The following NCOA1 variants were observed in gnomAD, a reference collection of about 807,000 sequenced individuals.
The protein encoded by NCOA1 is nuclear receptor coactivator 1.
In NCOA1, 35 loss-of-function variants were observed where a neutral mutation model predicts 150.9. That is an observed-to-expected ratio of 0.23 (90% CI 0.18 to 0.31). The LOEUF is 0.31. NCOA1 is among the 10% of genes least tolerant of loss of function. NCOA1 has a pLI of 1.00. For synonymous variants in NCOA1, 590 were observed against 630.0 expected (o/e 0.94, Z 0.95); for missense variants, 1,491 against 1,749.3 (o/e 0.85, Z 2.63).
chr2:24,553,450 C>T (rs895701607), intron 1 of NCOA1, among the ~76,000 whole-genome samples: 2 of 152,126 alleles, frequency 1.3e-5, no homozygotes, highest in Non-Finnish European at 2.9e-5. Flanking sequence ...AACTGCTGAC[C>T]TCAAGTGATC....
In NCOA1 at chr2:24,768,632, T is replaced by C; in HGVS notation, c.*241T>C. 3.2e-6 allele frequency: 1 copy of C among 308,960 alleles called. No homozygotes were observed. Among genetic ancestry groups the C allele is most frequent in the Non-Finnish European group, 5.8e-6 (1 of 171,530 alleles). 19.1% of individuals were successfully genotyped at this position (308,960 alleles called of 1,614,324 possible). ...TTGAAAAAATACCAAGGCAGAACAG[T>C]TGGACAATCTATTTCTTGAGCCAAA... On this transcript the variant is annotated 3_prime_UTR_variant, in exon 23 of 23. Transcript: ENST00000348332.
chr2:24,670,955 T>C (rs1416240138), intron 6 of NCOA1, among the ~76,000 whole-genome samples: 1 of 152,202 alleles, frequency 6.6e-6, no homozygotes, highest in Admixed American at 6.5e-5. Flanking sequence ...GCAAAACCAA[T>C]GTTACAACCT....
intron 2 of NCOA1, among the ~76,000 whole-genome samples, chr2:24,579,150 A>T (rs372789309): frequency 4.6e-5 from 7 of 152,128 alleles, no homozygotes; most frequent in East Asian, 1.9e-4. Flanking sequence ...AGTAAGGGGG[A>T]TGGGCAACAA....
chr2:24,570,757 G>C (rs530434921), intron 2 of NCOA1, among the ~76,000 whole-genome samples: 2 of 152,276 alleles, frequency 1.3e-5, no homozygotes, highest in East Asian at 3.9e-4. Context: ...AGGAAACACA[G>C]AAGACAGAGA....
chr2:24,684,300 A>T (rs1410548951), intron 8 of NCOA1, among the ~76,000 whole-genome samples: 1 of 152,166 alleles, frequency 6.6e-6, no homozygotes, highest in East Asian at 1.9e-4. Context: ...GGGTAACAAG[A>T]TATTTGTTGG....
intron 14 of NCOA1, among the ~76,000 whole-genome samples, chr2:24,723,238 C>G (rs2148628870): frequency 6.6e-6 from 1 of 152,188 alleles, no homozygotes; most frequent in East Asian, 1.9e-4. Context: ...ATCTTAGTCA[C>G]TTTTTCACTT....
intron 3 of NCOA1, among the ~76,000 whole-genome samples, chr2:24,621,574 G>A (rs988642015): frequency 3.3e-5 from 5 of 150,150 alleles, no homozygotes; most frequent in Admixed American, 6.7e-5. Context: ...TCCCTCCTGG[G>A]TTCAAGTGAT....
intron 1 of NCOA1, among the ~76,000 whole-genome samples, chr2:24,536,418 G>A (rs1311969801): frequency 6.6e-6 from 1 of 152,086 alleles, no homozygotes; most frequent in African/African-American, 2.4e-5. Context: ...GCTCGGAGAA[G>A]TTTGTTATTA....
intron 15 of NCOA1, among the ~76,000 whole-genome samples, chr2:24,727,575 G>A (rs762390737): frequency 3.9e-5 from 6 of 152,098 alleles, no homozygotes; most frequent in Non-Finnish European, 7.4e-5. Flanking sequence ...TATTGATTGT[G>A]GTTTAGCGCC....
At chr2:24,581,026 A>C (rs1007707755) in intron 2 of NCOA1, among the ~76,000 whole-genome samples, 13 of 152,116 alleles carry the variant, frequency 8.5e-5, no homozygotes, top group African/African-American at 3.1e-4. Context: ...CTTGACACTC[A>C]ATTTAGGGAG....
chr2:24,678,714 C>T (rs1262609753), intron 7 of NCOA1, among the ~76,000 whole-genome samples: 1 of 152,084 alleles, frequency 6.6e-6, no homozygotes, highest in Non-Finnish European at 1.5e-5. Context: ...ATGCCATTTG[C>T]CTGCTTTTTA....
rs201536500 is a variant in NCOA1, at chr2:24,770,356, G to GA, written c.*1974dup. ...CTCAGTGCTTTTGCATAAGGAACTAGAAAAAAAAAGTAAGGAAAATTGGAG... is the reference window on the plus strand; with the variant it reads ...CTCAGTGCTTTTGCATAAGGAACTAGAAAAAAAAAAGTAAGGAAAATTGGAG... On this transcript the variant is annotated 3_prime_UTR_variant, in exon 23 of 23. Coordinates refer to ENST00000348332, the MANE Select transcript of NCOA1 (RefSeq NM_003743.5). The GA allele has an allele frequency of 3.7e-4, 84 of 227,410 alleles. No individual in the cohort carries two copies. Among genetic ancestry groups the GA allele is most frequent in the East Asian group, 6.3e-4 (10 of 15,898 alleles). The allele number at this position is 227,410 out of a possible 1,614,324, so 14.1% of individuals were successfully genotyped here. A position where few individuals can be genotyped will look rare whatever the true frequency, so the allele number is the denominator to read the frequency against.
intron 3 of NCOA1, among the ~76,000 whole-genome samples, chr2:24,622,821 T>G (rs1358202386): frequency 6.6e-6 from 1 of 152,182 alleles, no homozygotes; most frequent in African/African-American, 2.4e-5. Flanking sequence ...ATTTGGTCAT[T>G]TATGGTTTCT....
At chr2:24,565,532 TAAG>T (rs757465972) in intron 2 of NCOA1, among the ~76,000 whole-genome samples, 2 of 152,188 alleles carry the variant, frequency 1.3e-5, no homozygotes, top group Non-Finnish European at 2.9e-5. Flanking sequence ...CCAAAAATAA[TAAG>T]AATTCATGAT....
At chr2:24,755,071 C>T (rs1366807607) in intron 20 of NCOA1, among the ~76,000 whole-genome samples, 1 of 152,322 alleles carries the variant, frequency 6.6e-6, no homozygotes, top group East Asian at 1.9e-4. Flanking sequence ...TGACCACTCA[C>T]TGTCTCTGTC....
chr2:24,527,187 A>C (rs1038287978), intron 1 of NCOA1, among the ~76,000 whole-genome samples: 21 of 152,184 alleles, frequency 1.4e-4, no homozygotes, highest in Non-Finnish European at 2.5e-4. Context: ...GCTATCATCT[A>C]TCTACTCTTT....
At chr2:24,590,471 T>C (rs1667609455) in intron 3 of NCOA1, among the ~76,000 whole-genome samples, 1 of 152,198 alleles carries the variant, frequency 6.6e-6, no homozygotes, top group African/African-American at 2.4e-5. Context: ...AATAGGAAAA[T>C]AGTGTGTCTC....
chr2:24,724,509 T>G (rs1674513888), intron 14 of NCOA1, among the ~76,000 whole-genome samples: 2 of 151,934 alleles, frequency 1.3e-5, no homozygotes, highest in African/African-American at 4.8e-5. Context: ...CAAACAAAAC[T>G]TTTTTTTGAC....
intron 1 of NCOA1, among the ~76,000 whole-genome samples, chr2:24,514,035 T>A (rs970038643): frequency 6.6e-6 from 1 of 152,046 alleles, no homozygotes; most frequent in Non-Finnish European, 1.5e-5. Context: ...ATGCCTGTAA[T>A]CTCAGCACTT....
Sources: allele counts gnomAD v4.1 joint callset (sites outside exome capture counted in the v4.1 genomes callset), GRCh38; gene constraint gnomAD v4.1.1; transcripts MANE v1.5; gene names NCBI Gene and HGNC (gene_info 2026-07-23, HGNC 2026-07-21).